Variants in SGCZ observed in about 807,000 individuals in gnomAD.
The protein encoded by SGCZ is sarcoglycan zeta.
Under a neutral mutation model 41.3 loss-of-function variants are expected in SGCZ, and 40 were observed. The observed-to-expected ratio is 0.97, with a 90% CI of 0.75 to 1.26. The LOEUF (loss-of-function observed/expected upper bound fraction) is 1.26, where lower values mean the gene tolerates loss of function less well. SGCZ is among the 50% of genes most tolerant of loss of function. The pLI, the probability that SGCZ is intolerant of heterozygous loss-of-function variation, is 0.00. For missense variants in SGCZ, 552 were observed against 369.8 expected, an observed-to-expected ratio of 1.49 and a Z score of -4.04; for synonymous variants, 206 against 137.5, an observed-to-expected ratio of 1.50 and a Z score of -3.49.
At chr8:14,385,195 T>C (rs1293148228) in intron 2 of SGCZ, among the ~76,000 whole-genome samples, 1 of 152,094 alleles carries the variant, frequency 6.6e-6, no homozygotes, top group African/African-American at 2.4e-5. Context: ...TTAGTGAACA[T>C]GGAGTTGAGA....
At chr8:14,524,616 A>G (rs1802885277) in intron 2 of SGCZ, among the ~76,000 whole-genome samples, 1 of 152,138 alleles carries the variant, frequency 6.6e-6, no homozygotes, top group South Asian at 2.1e-4. Flanking sequence ...TTGAATTACA[A>G]TATTTTCAAA....
chr8:14,551,018 A>G (rs896285307), intron 2 of SGCZ, among the ~76,000 whole-genome samples: 2 of 151,834 alleles, frequency 1.3e-5, no homozygotes, highest in African/African-American at 4.8e-5. Flanking sequence ...TGCTTCAATT[A>G]TTACCCAGGT....
At chr8:14,632,822 G>C (rs1190458367) in intron 1 of SGCZ, among the ~76,000 whole-genome samples, 1 of 151,966 alleles carries the variant, frequency 6.6e-6, no homozygotes, top group Non-Finnish European at 1.5e-5. Context: ...AGTTAATACA[G>C]CATTCTGCAT....
At chr8:14,133,661 A>T (rs932657993) in intron 5 of SGCZ, among the ~76,000 whole-genome samples, 2 of 152,096 alleles carry the variant, frequency 1.3e-5, no homozygotes, top group East Asian at 3.9e-4. Flanking sequence ...TCACTTTTTT[A>T]CTATTTTTTT....
Position 14,880,273 on chromosome 8 carries a change from G to C in SGCZ, c.40-325347C>G, listed in dbSNP as rs188673584. Among the ~76,000 whole-genome samples, 6 of 152,300 alleles carry C rather than the reference G, an allele frequency of 3.9e-5. No homozygotes were observed. The East Asian group carries it at 5.8e-4, about 15-fold the overall frequency. ...ATGAGATACCATCTCACACCAGTTAGAATGGTGATCATTAAAAAGTCAAGA... is the reference window on the plus strand; with the variant it reads ...ATGAGATACCATCTCACACCAGTTACAATGGTGATCATTAAAAAGTCAAGA... On this transcript the variant is annotated intron_variant, in intron 1 of 7. Transcript: ENST00000382080.
At chr8:14,848,738 C>A (rs1250197453) in intron 1 of SGCZ, among the ~76,000 whole-genome samples, 2 of 152,100 alleles carry the variant, frequency 1.3e-5, no homozygotes, top group South Asian at 2.1e-4. Flanking sequence ...CAATAAAAAT[C>A]TTTTTAAAAA....
chr8:14,707,100 A>G (rs1809356514), intron 1 of SGCZ, among the ~76,000 whole-genome samples: 1 of 151,498 alleles, frequency 6.6e-6, no homozygotes, highest in Non-Finnish European at 1.5e-5. Flanking sequence ...TTTGTTGCAT[A>G]TATATACATG....
chr8:14,187,888 T>A (rs1804957165), intron 4 of SGCZ, among the ~76,000 whole-genome samples: 1 of 152,046 alleles, frequency 6.6e-6, no homozygotes, highest in African/African-American at 2.4e-5. Context: ...CATGGATGCA[T>A]CATAATAAAA....
At chr8:14,857,192 A>G (rs564702166) in intron 1 of SGCZ, among the ~76,000 whole-genome samples, 6 of 152,290 alleles carry the variant, frequency 3.9e-5, no homozygotes, top group Admixed American at 2.0e-4. Context: ...ACCTCCTGCC[A>G]TGATTGTAAG....
At chr8:14,602,863 C>T (rs775139718) in intron 1 of SGCZ, among the ~76,000 whole-genome samples, 2 of 152,116 alleles carry the variant, frequency 1.3e-5, no homozygotes, top group Non-Finnish European at 2.9e-5. Context: ...TAGGCAGAGA[C>T]TTAGGGAATC....
chr8:14,146,765 T>G (rs369114908), intron 5 of SGCZ, among the ~76,000 whole-genome samples: 5,480 of 124,304 alleles, frequency 0.044, 167 homozygotes, highest in Middle Eastern at 0.11. Context: ...CCAGCTGCTC[T>G]GGAGGCTGAG....
At chr8:14,835,033 C>T (rs1211335304) in intron 1 of SGCZ, among the ~76,000 whole-genome samples, 42 of 152,200 alleles carry the variant, frequency 2.8e-4, no homozygotes, top group Admixed American at 2.6e-3. Flanking sequence ...CCTGAAACAA[C>T]TCTTGTCTAA....
chr8:14,253,725 TAATA>T (rs1162072848), intron 3 of SGCZ, among the ~76,000 whole-genome samples: 6 of 152,120 alleles, frequency 3.9e-5, no homozygotes, highest in African/African-American at 1.4e-4. Flanking sequence ...AACATAAATA[TAATA>T]AATAGCTTAT....
chr8:14,690,411 G>A (rs1048511327), intron 1 of SGCZ: 1 of 151,960 alleles, frequency 6.6e-6, no homozygotes, highest in African/African-American at 2.4e-5. Context: ...AGCTGCTGAG[G>A]GTATTAGGCA....
chr8:14,794,095 T>C (rs746666009), intron 1 of SGCZ, among the ~76,000 whole-genome samples: 2 of 152,138 alleles, frequency 1.3e-5, no homozygotes, highest in Non-Finnish European at 2.9e-5. Context: ...AAAGATCATC[T>C]TCAAGGAAGT....
intron 1 of SGCZ, among the ~76,000 whole-genome samples, chr8:15,097,285 T>C (rs1160365641): frequency 1.3e-5 from 2 of 152,146 alleles, no homozygotes; most frequent in African/African-American, 4.8e-5. Context: ...TTTATAATCT[T>C]ATATATTTAC....
At chr8:14,877,467 G>A (rs555956556) in intron 1 of SGCZ, among the ~76,000 whole-genome samples, 83 of 152,140 alleles carry the variant, frequency 5.5e-4, no homozygotes, top group Non-Finnish European at 9.4e-4. Flanking sequence ...TCTAAATCAT[G>A]ATAATTGCTT....
chr8:15,231,554 T>C (rs1186268223), intron 1 of SGCZ, among the ~76,000 whole-genome samples: 2 of 151,572 alleles, frequency 1.3e-5, no homozygotes, highest in Non-Finnish European at 2.9e-5. Flanking sequence ...TCTAGACATT[T>C]GCCAAGAAAA....
At chr8:14,475,115 C>G (rs571560923) in intron 2 of SGCZ, among the ~76,000 whole-genome samples, 58 of 152,128 alleles carry the variant, frequency 3.8e-4, no homozygotes, top group Middle Eastern at 6.8e-3. Context: ...TGATACAGCT[C>G]TAAACATTGT....
Sources: allele counts gnomAD v4.1 joint callset (sites outside exome capture counted in the v4.1 genomes callset), GRCh38; gene constraint gnomAD v4.1.1; transcripts MANE v1.5; gene names NCBI Gene and HGNC (gene_info 2026-07-23, HGNC 2026-07-21).